The following EMC8 variants were observed in gnomAD, a reference collection of about 807,000 sequenced individuals.
The protein encoded by EMC8 is ER membrane protein complex subunit 8.
In EMC8, 11 loss-of-function variants were observed where a neutral mutation model predicts 24.3. The ratio of observed to expected loss-of-function variants is 0.45; its 90% CI spans 0.28 to 0.75. The LOEUF is 0.75. Among genes scored for constraint, EMC8 ranks in the 30% least tolerant of loss-of-function variants. The pLI is 0.12. For synonymous variants in EMC8, 145 were observed against 117.7 expected, an observed-to-expected ratio of 1.23 and a Z score of -1.50; for missense variants, 277 against 282.7, an observed-to-expected ratio of 0.98 and a Z score of 0.14.
intron 2 of EMC8, among the ~76,000 whole-genome samples, chr16:85,783,262 C>T (rs1428361998): frequency 6.6e-6 from 1 of 151,756 alleles, no homozygotes; most frequent in Non-Finnish European, 1.5e-5. Flanking sequence ...GAGATCATGC[C>T]ACTGTACTCC....
chr16:85,780,658 A>G, intron 3 of EMC8, 185 bp from the exon 4 acceptor site: 1 of 591,692 alleles, frequency 1.7e-6, no homozygotes, highest in Non-Finnish European at 3.0e-6. Flanking sequence ...TCATGCAGGA[A>G]AACGTCAAGT....
chr16:85,793,263 G>A (rs1905092331), intron 1 of EMC8, among the ~76,000 whole-genome samples: 3 of 152,184 alleles, frequency 2.0e-5, no homozygotes, highest in African/African-American at 4.8e-5. Flanking sequence ...GCGAGGCAGG[G>A]ACCACAACTT....
intron 1 of EMC8, 68 bp downstream of exon 1, chr16:85,798,997 G>T: frequency 2.6e-6 from 3 of 1,166,472 alleles, no homozygotes; most frequent in Non-Finnish European, 2.4e-6. Context: ...CGCTGGGCCA[G>T]CTTCCTCTCT....
In EMC8 at chr16:85,779,456, T is replaced by G; in HGVS notation, c.*252A>C. On this transcript the variant is annotated 3_prime_UTR_variant, in exon 5 of 5. Transcript: ENST00000253457. ...CTTGCACAAGCAGAAAGAGCTTTGA[T>G]TTGGAGGATTATAGCAACATACAAC... 2 of 377,636 alleles carry G rather than the reference T, an allele frequency of 5.3e-6. No individual in the cohort carries two copies. Among genetic ancestry groups the G allele is most frequent in the Non-Finnish European group, 9.8e-6 (2 of 205,110 alleles). The allele number at this position is 377,636 out of a possible 1,614,324, so 23.4% of individuals were successfully genotyped here.
At chr16:85,786,716 G>A (rs1001277771) in intron 2 of EMC8, among the ~76,000 whole-genome samples, 1 of 152,192 alleles carries the variant, frequency 6.6e-6, no homozygotes. Flanking sequence ...GAAGGACGTG[G>A]ACTAGGTGAG....
In EMC8 at chr16:85,791,735, T is replaced by C. The variant is rs1044974963; in HGVS notation, c.232-2685A>G. The stretch of plus-strand genomic sequence containing the variant: ...GCACCTAGAGGCTGCCCGCATTCCT[T>C]GGCTCATGGCCACATCACTCTGACC... On this transcript the variant is annotated intron_variant, in intron 1 of 4. Transcript: ENST00000253457. Among the ~76,000 whole-genome samples the C allele has an allele frequency of 1.7e-4, 26 of 152,330 alleles. 1 individual carries two copies. Among genetic ancestry groups the C allele is most frequent in the South Asian group, 1.2e-3 (6 of 4,828 alleles).
At position 85,779,649 on chromosome 16, in the gene EMC8, A is replaced by C; in HGVS notation, c.*59T>G. 1 of 1,542,694 alleles carries C rather than the reference A, an allele frequency of 6.5e-7. No homozygotes were observed. The highest frequency in any genetic ancestry group is 8.9e-7 in the Non-Finnish European group (1 of 1,118,124). ...CAAGATATTTTATTTACATTTAAAAATAGGTTTTCTTCTTCAACGTAGTGG... is the reference window on the plus strand; with the variant it reads ...CAAGATATTTTATTTACATTTAAAACTAGGTTTTCTTCTTCAACGTAGTGG... On this transcript the variant is annotated 3_prime_UTR_variant, in exon 5 of 5. Transcript: ENST00000253457.
In EMC8 at chr16:85,779,882, T is replaced by G; in HGVS notation, c.474-15A>C. 6.2e-7 allele frequency: 1 copy of G among 1,613,084 alleles called. No homozygotes were observed. The highest frequency in any genetic ancestry group is 8.5e-7 in the Non-Finnish European group (1 of 1,179,412). On this transcript the variant is annotated splice_polypyrimidine_tract_variant and intron_variant, in intron 4 of 4. Transcript: ENST00000253457. Reference sequence around the variant, plus strand: ...CACAGTAGTCACTACGGGTCAAACATGAAGAAGTCAGCATCTAACAGTGAA... The same window carrying G: ...CACAGTAGTCACTACGGGTCAAACAGGAAGAAGTCAGCATCTAACAGTGAA...
At chr16:85,795,513 T>C (rs962475433) in intron 1 of EMC8, among the ~76,000 whole-genome samples, 1 of 150,776 alleles carries the variant, frequency 6.6e-6, no homozygotes, top group African/African-American at 2.4e-5. Flanking sequence ...TCCACTCCAC[T>C]GTTCCCTCTC....
intron 1 of EMC8, among the ~76,000 whole-genome samples, chr16:85,795,013 C>T (rs1295318630): frequency 6.6e-6 from 1 of 152,204 alleles, no homozygotes; most frequent in East Asian, 1.9e-4. Context: ...AATTCATGTA[C>T]AGGTGACTTG....
At chr16:85,784,488 T>C (rs1336211045) in intron 2 of EMC8, 1 of 152,238 alleles carries the variant, frequency 6.6e-6, no homozygotes, top group Admixed American at 6.5e-5. Context: ...GTACTGATTA[T>C]AAATCTGCAG....
intron 1 of EMC8, 73 bp downstream of exon 1, chr16:85,798,992 G>T: frequency 1.8e-6 from 2 of 1,119,802 alleles, no homozygotes; most frequent in Non-Finnish European, 2.5e-6. Flanking sequence ...GCGACCGCTG[G>T]GCCAGCTTCC....
intron 2 of EMC8, among the ~76,000 whole-genome samples, chr16:85,787,265 C>T (rs1308048626): frequency 3.3e-5 from 5 of 152,292 alleles, no homozygotes; most frequent in South Asian, 4.1e-4. Flanking sequence ...TCCACGTCTG[C>T]ACTTGACAAG....
chr16:85,779,717 G>C lies in EMC8; in HGVS notation c.624C>G (p.His208Gln). Residue 208 changes from histidine (H) to glutamine (Q), a missense_variant, in exon 5 of 5, where the codon CAC (histidine) becomes CAG (glutamine). His to Gln is a conservative substitution (Grantham distance 24). Transcript: ENST00000253457. ...TCACAGCGGTGCCTGCCTAGCACAA[G>C]TGTAGGACAGCTTTATTGATCTCTG... is the stretch of plus-strand genomic sequence containing the variant. The part of the protein sequence containing the change: ...TNPEINKAVL[H>Q]LC 6.2e-7 allele frequency: 1 copy of C among 1,614,194 alleles called. No homozygotes were observed. The highest frequency in any genetic ancestry group is 8.5e-7 in the Non-Finnish European group (1 of 1,179,996).
Position 85,778,657 on chromosome 16 carries a change from C to T in EMC8, c.*1051G>A, listed in dbSNP as rs531240196. 1.3e-5 allele frequency: 2 copies of T among 152,294 alleles called. No individual in the cohort carries two copies. The highest frequency in any genetic ancestry group is 2.4e-5 in the African/African-American group (1 of 41,570). 9.4% of individuals were successfully genotyped at this position (152,294 alleles called of 1,614,324 possible). On this transcript the variant is annotated 3_prime_UTR_variant, in exon 5 of 5. Coordinates refer to ENST00000253457, the MANE Select transcript of EMC8 (RefSeq NM_006067.5). ...ATCAAATAAAGCACATTTATTGTAG[C>T]GATGTCTGAACTTTTTTCCTATGTG...
chr16:85,785,505 G>A (rs1284282002), intron 2 of EMC8, among the ~76,000 whole-genome samples: 1 of 152,184 alleles, frequency 6.6e-6, no homozygotes, highest in Non-Finnish European at 1.5e-5. Flanking sequence ...AGGAGGTGGA[G>A]GTTGCATTGA....
intron 1 of EMC8, among the ~76,000 whole-genome samples, chr16:85,795,408 G>A (rs962813559): frequency 2.0e-5 from 3 of 152,144 alleles, no homozygotes; most frequent in Non-Finnish European, 2.9e-5. Context: ...TTTCCTCCCC[G>A]TTCCTGGCTC....
intron 2 of EMC8, among the ~76,000 whole-genome samples, chr16:85,785,685 C>A (rs1017919233): frequency 6.6e-6 from 1 of 152,186 alleles, no homozygotes; most frequent in African/African-American, 2.4e-5. Flanking sequence ...AATACTGATC[C>A]ACTTGATCCT....
intron 1 of EMC8, among the ~76,000 whole-genome samples, chr16:85,789,653 G>A (rs1480992381): frequency 1.3e-5 from 2 of 152,022 alleles, no homozygotes; most frequent in South Asian, 2.1e-4. Flanking sequence ...TTAGCTGGGC[G>A]TGGTGGTGGG....
Sources: allele counts gnomAD v4.1 joint callset (sites outside exome capture counted in the v4.1 genomes callset), GRCh38; gene constraint gnomAD v4.1.1; transcripts MANE v1.5; gene names NCBI Gene and HGNC (gene_info 2026-07-23, HGNC 2026-07-21).